Variants in FRMPD4 observed in about 807,000 individuals in gnomAD.
FRMPD4 encodes FERM and PDZ domain containing 4, also known as FERM and PDZ domain-containing protein 4.
A neutral mutation model predicts 94.1 loss-of-function variants in FRMPD4; 22 were observed. The ratio of observed to expected loss-of-function variants is 0.23; its 90% CI spans 0.17 to 0.33. The LOEUF (loss-of-function observed/expected upper bound fraction) is 0.33, where lower values mean the gene tolerates loss of function less well. FRMPD4 is among the 10% of genes least tolerant of loss of function. The pLI, the probability that FRMPD4 is intolerant of heterozygous loss-of-function variation, is 1.00. For synonymous variants in FRMPD4, 631 were observed against 548.6 expected, an observed-to-expected ratio of 1.15 and a Z score of -2.10; for missense variants, 1,111 against 1,339.9, an observed-to-expected ratio of 0.83 and a Z score of 2.67.
chrX:12,167,499 G>T (rs16986794), intron 1 of FRMPD4, among the ~76,000 whole-genome samples: 10 of 111,221 alleles, frequency 9.0e-5, no homozygotes, highest in African/African-American at 3.3e-4. Flanking sequence ...TAGTTTTCTC[G>T]GATGGTGGGA....
intron 1 of FRMPD4, among the ~76,000 whole-genome samples, chrX:12,196,653 T>C (rs2056571182): frequency 9.3e-6 from 1 of 108,092 alleles, no homozygotes; most frequent in African/African-American, 3.3e-5. Flanking sequence ...AAAATATATT[T>C]ATAATCTATA....
chrX:12,338,708 A>G (rs2055563511), intron 1 of FRMPD4, among the ~76,000 whole-genome samples: 1 of 112,698 alleles, frequency 8.9e-6, no homozygotes, highest in South Asian at 3.7e-4. Flanking sequence ...TTGGCCAAAC[A>G]GTTGGTGCAG....
intron 1 of FRMPD4, among the ~76,000 whole-genome samples, chrX:11,847,889 G>A (rs1439905237): frequency 2.8e-5 from 2 of 72,419 alleles, no homozygotes; most frequent in Non-Finnish European, 5.1e-5. Flanking sequence ...TTGTGGGGTC[G>A]GGGGAGGGGG....
chrX:11,954,615 A>G (rs2054244538), intron 3 of FRMPD4, among the ~76,000 whole-genome samples: 1 of 112,055 alleles, frequency 8.9e-6, no homozygotes, highest in Non-Finnish European at 1.9e-5. Context: ...TTCAAATACC[A>G]CATTTTTTTA....
intron 3 of FRMPD4, among the ~76,000 whole-genome samples, chrX:12,103,181 A>G (rs1441998084): frequency 8.9e-6 from 1 of 111,759 alleles, no homozygotes; most frequent in Non-Finnish European, 1.9e-5. Context: ...TATTGCAACA[A>G]TAATAGAATC....
intron 3 of FRMPD4, among the ~76,000 whole-genome samples, chrX:12,077,198 A>G (rs1202510954): frequency 8.9e-6 from 1 of 112,031 alleles, no homozygotes; most frequent in Non-Finnish European, 1.9e-5. Context: ...TCCATCGCAA[A>G]TTTACTGTTT....
intron 1 of FRMPD4, among the ~76,000 whole-genome samples, chrX:12,384,213 C>T (rs1430823131): frequency 1.8e-5 from 2 of 111,647 alleles, no homozygotes; most frequent in Admixed American, 9.5e-5. Context: ...TAGGCATTAC[C>T]ATCATTAATA....
chrX:11,866,009 T>C (rs757553925), intron 2 of FRMPD4, among the ~76,000 whole-genome samples: 2 of 112,096 alleles, frequency 1.8e-5, no homozygotes, highest in East Asian at 5.6e-4. Context: ...ATTCATGAAT[T>C]GGACAGTACC....
intron 1 of FRMPD4, among the ~76,000 whole-genome samples, chrX:12,434,999 C>A (rs2057048856): frequency 8.9e-6 from 1 of 111,968 alleles, no homozygotes; most frequent in Admixed American, 9.4e-5. Context: ...AGAAGTGATC[C>A]CTTCACAGAG....
intron 1 of FRMPD4, chrX:12,495,021 C>T (rs1466744037): frequency 1.2e-5 from 9 of 733,029 alleles, no homozygotes; most frequent in South Asian, 1.4e-4. Flanking sequence ...TGCCTGAGCC[C>T]GGTGGAAATG....
At chrX:12,106,536 G>T (rs2147515876) in intron 3 of FRMPD4, among the ~76,000 whole-genome samples, 1 of 111,211 alleles carries the variant, frequency 9.0e-6, no homozygotes, top group South Asian at 3.9e-4. Context: ...ATCTCACTGG[G>T]GCTTGTCGGA....
intron 2 of FRMPD4, among the ~76,000 whole-genome samples, chrX:12,581,120 A>C (rs1436607055): frequency 8.9e-6 from 1 of 112,424 alleles, no homozygotes; most frequent in Non-Finnish European, 1.9e-5. Flanking sequence ...AAGATAAGAA[A>C]ACCAAACTGA....
chrX:12,072,919 T>TTA (rs1285366688), intron 3 of FRMPD4, among the ~76,000 whole-genome samples: 5 of 107,469 alleles, frequency 4.7e-5, no homozygotes, highest in South Asian at 7.8e-4. Flanking sequence ...CTTCTATTAT[T>TTA]TATATATATA....
intron 1 of FRMPD4, among the ~76,000 whole-genome samples, chrX:12,208,003 G>A (rs2056712260): frequency 9.0e-6 from 1 of 111,435 alleles, no homozygotes; most frequent in Non-Finnish European, 1.9e-5. Flanking sequence ...CTATGCATTA[G>A]AAGCAGGGAC....
chrX:12,626,262 AGGCTGCAGTGAGCTATGAT>A (rs2059345748), intron 4 of FRMPD4, among the ~76,000 whole-genome samples: 2 of 106,942 alleles, frequency 1.9e-5, no homozygotes, highest in South Asian at 8.8e-4. Context: ...CCAGGAGTTG[AGGCTGCAGTGAGCTATGAT>A]GGCACCACTG....
chrX:12,152,464 T>C (rs2055867003), intron 1 of FRMPD4, among the ~76,000 whole-genome samples: 1 of 111,187 alleles, frequency 9.0e-6, no homozygotes, highest in South Asian at 3.8e-4. Flanking sequence ...ATAAAAATGG[T>C]ATCAGAATGG....
chrX:11,982,337 T>C (rs779877347), intron 3 of FRMPD4, among the ~76,000 whole-genome samples: 7 of 110,943 alleles, frequency 6.3e-5, no homozygotes, highest in African/African-American at 2.3e-4. Flanking sequence ...TCTTTTGAGA[T>C]CTTCTCTTTC....
chrX:12,046,073 G>A (rs1435981729), intron 3 of FRMPD4, among the ~76,000 whole-genome samples: 1 of 111,081 alleles, frequency 9.0e-6, no homozygotes, highest in Non-Finnish European at 1.9e-5. Flanking sequence ...GATAAAGTAA[G>A]AATATAATCT....
chrX:12,175,985 A>G (rs982782041), intron 1 of FRMPD4, among the ~76,000 whole-genome samples: 1 of 112,218 alleles, frequency 8.9e-6, no homozygotes, highest in Non-Finnish European at 1.9e-5. Flanking sequence ...GTAATGGTTA[A>G]TAGTTGACTC....
Sources: allele counts gnomAD v4.1 joint callset (sites outside exome capture counted in the v4.1 genomes callset), GRCh38; gene constraint gnomAD v4.1.1; transcripts MANE v1.5; gene names NCBI Gene and HGNC (gene_info 2026-07-23, HGNC 2026-07-21).